Variants in ZSCAN30 observed in about 807,000 individuals in gnomAD.
ZSCAN30 encodes zinc finger and SCAN domain-containing protein 30.
In ZSCAN30, 37 loss-of-function variants were observed where a neutral mutation model predicts 44.3. That is an observed-to-expected ratio of 0.84 (90% CI 0.64 to 1.10). ZSCAN30 has a LOEUF of 1.10. Among genes scored for constraint, ZSCAN30 ranks in the 50% least tolerant of loss-of-function variants. The pLI is 0.00. For synonymous variants in ZSCAN30, 181 were observed against 204.6 expected (o/e 0.88, Z 0.98); for missense variants, 549 against 582.6 (o/e 0.94, Z 0.59).
intron 1 of ZSCAN30, among the ~76,000 whole-genome samples, chr18:35,279,774 C>G (rs1250711369): frequency 6.6e-6 from 1 of 152,160 alleles, no homozygotes; most frequent in Non-Finnish European, 1.5e-5. Flanking sequence ...AACCTAATTA[C>G]CTCCCATAGG....
intron 1 of ZSCAN30, chr18:35,289,511 C>G (rs575247062): frequency 6.6e-6 from 1 of 152,158 alleles, no homozygotes; most frequent in African/African-American, 2.4e-5. Context: ...ACAGCTTAAA[C>G]CAAGTCACAC....
Position 35,252,659 on chromosome 18 carries a change from C to T in ZSCAN30, c.*791G>A, listed in dbSNP as rs929770170. 1 of 152,130 alleles carries T rather than the reference C, an allele frequency of 6.6e-6. No homozygotes were observed. Among genetic ancestry groups the T allele is most frequent in the Non-Finnish European group, 1.5e-5 (1 of 68,018 alleles). 9.4% of individuals were successfully genotyped at this position (152,130 alleles called of 1,614,324 possible). ...CATATCCAGGAAGTCTTTAGTGACTCATAGACCAGATTTAGGTATCCCTGC... is the reference window on the plus strand; with the variant it reads ...CATATCCAGGAAGTCTTTAGTGACTTATAGACCAGATTTAGGTATCCCTGC... On this transcript the variant is annotated 3_prime_UTR_variant, in exon 4 of 4. Coordinates refer to ENST00000333206, the MANE Select transcript of ZSCAN30 (RefSeq NM_001112734.4).
At chr18:35,258,343 C>T (rs749550345) in intron 3 of ZSCAN30, 21 of 198,904 alleles carry the variant, frequency 1.1e-4, no homozygotes, top group Non-Finnish European at 1.6e-4. Flanking sequence ...GAGTCAACAA[C>T]ATACTGCCAC....
rs1176042329 is a variant in ZSCAN30, at chr18:35,253,422, C to T, written c.*28G>A. 66 of 1,523,030 alleles carry T rather than the reference C, an allele frequency of 4.3e-5. No homozygotes were observed. Among genetic ancestry groups the T allele is most frequent in the South Asian group, 1.3e-4 (10 of 74,848 alleles). 94.3% of individuals were successfully genotyped at this position (1,523,030 alleles called of 1,614,324 possible). A position where few individuals can be genotyped will look rare whatever the true frequency, so the allele number is the denominator to read the frequency against. ...CCCCTACAGTGAACTCCTTGCATTT[C>T]ACAATTGTACAACTCTTACCCACAG... On this transcript the variant is annotated 3_prime_UTR_variant, in exon 4 of 4. Transcript: ENST00000333206.
chr18:35,270,972 G>C (rs2044259820), intron 1 of ZSCAN30, among the ~76,000 whole-genome samples: 1 of 152,140 alleles, frequency 6.6e-6, no homozygotes, highest in African/African-American at 2.4e-5. Flanking sequence ...TGCATCTGGA[G>C]TTTGTTCCTT....
At chr18:35,281,950 C>G (rs1026853715) in intron 1 of ZSCAN30, 1 of 151,614 alleles carries the variant, frequency 6.6e-6, no homozygotes, top group African/African-American at 2.4e-5. Flanking sequence ...GTGAGTACCA[C>G]TACCACCGAA....
At chr18:35,255,862 G>A (rs1206555752) in intron 3 of ZSCAN30, 1 of 154,300 alleles carries the variant, frequency 6.5e-6, no homozygotes, top group African/African-American at 2.4e-5. Context: ...AAACATTTAT[G>A]AAAAATATAC....
intron 3 of ZSCAN30, 187 bp downstream of exon 3, chr18:35,263,326 C>G: frequency 1.6e-6 from 1 of 628,668 alleles, no homozygotes; most frequent in Non-Finnish European, 2.6e-6. Flanking sequence ...ATTCTTAACC[C>G]AAAGTTACAA....
Position 35,290,129 on chromosome 18 carries a change from A to C in ZSCAN30, c.-149T>G, listed in dbSNP as rs2044628931. 1 of 152,256 alleles carries C rather than the reference A, an allele frequency of 6.6e-6. No homozygotes were observed. Among genetic ancestry groups the C allele is most frequent in the Admixed American group, 6.5e-5 (1 of 15,284 alleles). The allele number at this position is 152,256 out of a possible 1,614,324, so 9.4% of individuals were successfully genotyped here. A position where few individuals can be genotyped will look rare whatever the true frequency, so the allele number is the denominator to read the frequency against. Reference sequence around the variant, plus strand: ...CGAAAGATAATGGATTCCGACATTCACCTCAAGAACCGGCAGACAGAGCAG... The same window carrying C: ...CGAAAGATAATGGATTCCGACATTCCCCTCAAGAACCGGCAGACAGAGCAG... On this transcript the variant is annotated 5_prime_UTR_variant, in exon 1 of 4. Transcript: ENST00000333206.
intron 3 of ZSCAN30, chr18:35,257,808 A>G (rs1366175518): frequency 1.3e-5 from 10 of 767,332 alleles, no homozygotes; most frequent in Admixed American, 1.0e-4. Flanking sequence ...CTGCAGTGCA[A>G]TTATGCTTCA....
At chr18:35,268,296 T>C (rs939888907) in intron 1 of ZSCAN30, 6 of 152,210 alleles carry the variant, frequency 3.9e-5, no homozygotes, top group African/African-American at 1.4e-4. Flanking sequence ...ACATATAACA[T>C]GGCTGGAACA....
intron 1 of ZSCAN30, chr18:35,281,236 TATTATCACTGC>T (rs2044450342): frequency 6.6e-6 from 1 of 152,234 alleles, no homozygotes; most frequent in African/African-American, 2.4e-5. Context: ...CCCATGCCTG[TATTATCACTGC>T]TAATCTCTCT....
chr18:35,256,056 A>G (rs923295395), intron 3 of ZSCAN30, among the ~76,000 whole-genome samples: 2 of 152,146 alleles, frequency 1.3e-5, no homozygotes, highest in Non-Finnish European at 2.9e-5. Flanking sequence ...AAATTAGAAA[A>G]GCAATGTAAC....
At chr18:35,264,596 T>C (rs2044107425) in intron 1 of ZSCAN30, 141 bp from the exon 2 acceptor site, 3 of 472,390 alleles carry the variant, frequency 6.4e-6, no homozygotes, top group South Asian at 6.9e-5. Context: ...AAATGATACA[T>C]TTATAGATGA....
Position 35,253,358 on chromosome 18 carries a change from TTCTGC to T in ZSCAN30, c.*87_*91del. ...CCGAACTGGGAGGGAAGGACAGAAG[TTCTGC>T]TCTCAGGAAACTTTTCTTTTCTGTG... On this transcript the variant is annotated 3_prime_UTR_variant, in exon 4 of 4. Transcript: ENST00000333206. The T allele has an allele frequency of 3.8e-6, 4 of 1,045,970 alleles. No individual in the cohort carries two copies. Among genetic ancestry groups the T allele is most frequent in the Non-Finnish European group, 5.5e-6 (4 of 727,442 alleles). The allele number at this position is 1,045,970 out of a possible 1,614,324, so 64.8% of individuals were successfully genotyped here. A position where few individuals can be genotyped will look rare whatever the true frequency, so the allele number is the denominator to read the frequency against.
rs1362011507 is a variant in ZSCAN30, at chr18:35,251,653, G to A, written c.*1797C>T. On this transcript the variant is annotated 3_prime_UTR_variant, in exon 4 of 4. Transcript: ENST00000333206. ...TGATAGTGAATTCTCATGAGATTTG[G>A]CTGATTGATAAGTGCCTAGCATTTC... 2 of 152,096 alleles carry A rather than the reference G, an allele frequency of 1.3e-5. No individual in the cohort carries two copies. Among genetic ancestry groups the A allele is most frequent in the Non-Finnish European group, 2.9e-5 (2 of 68,044 alleles). The allele number at this position is 152,096 out of a possible 1,614,324, so 9.4% of individuals were successfully genotyped here.
At chr18:35,275,125 C>A (rs2044347907) in intron 1 of ZSCAN30, among the ~76,000 whole-genome samples, 1 of 152,196 alleles carries the variant, frequency 6.6e-6, no homozygotes, top group African/African-American at 2.4e-5. Flanking sequence ...CAGAGATCTA[C>A]AATAAGTATT....
chr18:35,274,270 C>G (rs2044333677), intron 1 of ZSCAN30, among the ~76,000 whole-genome samples: 1 of 152,050 alleles, frequency 6.6e-6, no homozygotes, highest in Non-Finnish European at 1.5e-5. Flanking sequence ...ATCTCCTGAC[C>G]TCGTGATCTG....
rs1307675612 is a variant in ZSCAN30 at position 35,251,546 on chromosome 18, C to T, written c.*1904G>A. ...GGCTCTTGTGTCCCCACCCAAATCTCCAATAGTAATCCCCAGGTGTTGAGG... is the reference window on the plus strand; with the variant it reads ...GGCTCTTGTGTCCCCACCCAAATCTTCAATAGTAATCCCCAGGTGTTGAGG... On this transcript the variant is annotated 3_prime_UTR_variant, in exon 4 of 4. Coordinates refer to ENST00000333206, the MANE Select transcript of ZSCAN30 (RefSeq NM_001112734.4). 1.3e-5 allele frequency: 2 copies of T among 152,122 alleles called. No homozygotes were observed. The highest frequency in any genetic ancestry group is 4.8e-5 in the African/African-American group (2 of 41,392). The allele number at this position is 152,122 out of a possible 1,614,324, so 9.4% of individuals were successfully genotyped here.
Sources: gnomAD v4.1 joint callset for allele counts (sites outside exome capture counted in the v4.1 genomes callset) on GRCh38, gnomAD v4.1.1 for gene constraint, MANE v1.5 for transcripts, NCBI Gene and HGNC (gene_info 2026-07-23, HGNC 2026-07-21) for gene names.